Variants in CSTF3 observed in about 807,000 individuals in gnomAD.
CSTF3 encodes cleavage stimulation factor subunit 3, also known as CF-1 77 kDa subunit.
In CSTF3, 29 loss-of-function variants were observed where a neutral mutation model predicts 105.8. The ratio of observed to expected loss-of-function variants is 0.27; its 90% CI spans 0.20 to 0.37. The LOEUF (loss-of-function observed/expected upper bound fraction) is 0.37, where lower values mean the gene tolerates loss of function less well. Among genes scored for constraint, CSTF3 ranks in the 10% least tolerant of loss-of-function variants. The pLI is 1.00. For missense variants in CSTF3, 357 were observed against 879.3 expected (o/e 0.41, Z 7.51); for synonymous variants, 252 against 281.9 (o/e 0.89, Z 1.06).
At chr11:33,161,164 C>T (rs1489542328) in intron 1 of CSTF3, 135 bp downstream of exon 1, 1 of 832,608 alleles carries the variant, frequency 1.2e-6, no homozygotes, top group Non-Finnish European at 1.9e-6. Flanking sequence ...TCCCCATTCC[C>T]ACCACTCTTC....
At chr11:33,096,219 A>G (rs935630473) in intron 15 of CSTF3, 87 bp downstream of exon 15, 6 of 914,868 alleles carry the variant, frequency 6.6e-6, no homozygotes, top group Middle Eastern at 6.0e-4. Flanking sequence ...TCAAAATTAT[A>G]ATACATTCAA....
chr11:33,091,636 G>A (rs1855170008), intron 16 of CSTF3, among the ~76,000 whole-genome samples: 1 of 152,212 alleles, frequency 6.6e-6, no homozygotes, highest in African/African-American at 2.4e-5. Flanking sequence ...TTGCTTTTGA[G>A]TAAGGGAGGT....
At chr11:33,134,176 G>GT (rs1787797395) in intron 3 of CSTF3, among the ~76,000 whole-genome samples, 2 of 152,120 alleles carry the variant, frequency 1.3e-5, no homozygotes, top group South Asian at 4.1e-4. Flanking sequence ...CAACTTTTTT[G>GT]TAAGTTCAAA....
At chr11:33,118,831 A>T (rs544199375) in intron 3 of CSTF3, among the ~76,000 whole-genome samples, 29 of 151,548 alleles carry the variant, frequency 1.9e-4, no homozygotes, top group Non-Finnish European at 3.5e-4. Flanking sequence ...TGCTTCCCTC[A>T]AACGTCTAAT....
intron 5 of CSTF3, among the ~76,000 whole-genome samples, chr11:33,106,976 A>G (rs1435045647): frequency 6.6e-6 from 1 of 152,108 alleles, no homozygotes; most frequent in African/African-American, 2.4e-5. Context: ...ACTTCAATAT[A>G]AGACAATAAA....
At chr11:33,108,708 C>T (rs780543490) in intron 3 of CSTF3, among the ~76,000 whole-genome samples, 10 of 152,064 alleles carry the variant, frequency 6.6e-5, no homozygotes, top group Admixed American at 3.9e-4. Context: ...TACACATACC[C>T]GATAGGTCTA....
chr11:33,136,925 T>C (rs1191088581), intron 3 of CSTF3, among the ~76,000 whole-genome samples: 1 of 151,884 alleles, frequency 6.6e-6, no homozygotes, highest in African/African-American at 2.4e-5. Context: ...CTAGGAAATT[T>C]AGGTAAAACA....
chr11:33,146,238 G>A (rs7932999), intron 1 of CSTF3, among the ~76,000 whole-genome samples: 84,436 of 151,368 alleles, frequency 0.56, 26,099 homozygotes, highest in Non-Finnish European at 0.69. Flanking sequence ...GCAAGACTCC[G>A]TCTCAAAAAA....
intron 3 of CSTF3, among the ~76,000 whole-genome samples, chr11:33,133,631 G>A (rs1452005372): frequency 6.6e-6 from 1 of 152,246 alleles, no homozygotes; most frequent in Non-Finnish European, 1.5e-5. Context: ...GAAGGCTTGA[G>A]GTCAGGAATT....
At chr11:33,138,817 T>C (rs1014076627) in intron 3 of CSTF3, among the ~76,000 whole-genome samples, 1 of 151,850 alleles carries the variant, frequency 6.6e-6, no homozygotes, top group Non-Finnish European at 1.5e-5. Flanking sequence ...TGTTATCTCC[T>C]ATGTATTATA....
chr11:33,112,511 A>T (rs1379668972), intron 3 of CSTF3, among the ~76,000 whole-genome samples: 4 of 152,178 alleles, frequency 2.6e-5, no homozygotes, highest in Non-Finnish European at 5.9e-5. Context: ...ATAACTTTTC[A>T]TTATATCTTC....
chr11:33,106,891 A>G (rs533467776), intron 5 of CSTF3, among the ~76,000 whole-genome samples: 1 of 152,354 alleles, frequency 6.6e-6, no homozygotes, highest in East Asian at 1.9e-4. Context: ...AAATGTAGAA[A>G]TCTGGAAAGT....
In CSTF3 at chr11:33,084,790, A is replaced by G; in HGVS notation, c.*297T>C. 1 of 361,556 alleles carries G rather than the reference A, an allele frequency of 2.8e-6. No homozygotes were observed. The highest frequency in any genetic ancestry group is 5.1e-6 in the Non-Finnish European group (1 of 196,622). The allele number at this position is 361,556 out of a possible 1,614,324, so 22.4% of individuals were successfully genotyped here. On this transcript the variant is annotated 3_prime_UTR_variant, in exon 21 of 21. Transcript: ENST00000323959. ...AAAATAAAACTGTTGAAAAACTCACAAATCTTCAAGCGGCACATACAAGAC... is the reference window on the plus strand; with the variant it reads ...AAAATAAAACTGTTGAAAAACTCACGAATCTTCAAGCGGCACATACAAGAC...
rs914296524 is a variant in CSTF3 at position 33,159,784 on chromosome 11, G to C, written c.27+1515C>G. Among the ~76,000 whole-genome samples the C allele has an allele frequency of 2.6e-5, 4 of 152,050 alleles. 1 individual carries two copies. The highest frequency in any genetic ancestry group is 9.6e-5 in the African/African-American group (4 of 41,456). On this transcript the variant is annotated intron_variant, in intron 1 of 20. Transcript: ENST00000323959. ...ACTCTGTTCTCAATCTATCAGCATG[G>C]GGAGATAAAGCAAATATGGCAAGGC...
chr11:33,120,105 A>G (rs958273788), intron 3 of CSTF3, among the ~76,000 whole-genome samples: 1 of 151,856 alleles, frequency 6.6e-6, no homozygotes, highest in Non-Finnish European at 1.5e-5. Flanking sequence ...ATGTAAAAAT[A>G]TTGAAATAAA....
intron 3 of CSTF3, among the ~76,000 whole-genome samples, chr11:33,137,701 TCA>T (rs1403830382): frequency 6.6e-6 from 1 of 151,724 alleles, no homozygotes; most frequent in Non-Finnish European, 1.5e-5. Context: ...ATCTGAATAA[TCA>T]CACAGACATG....
chr11:33,158,031 T>C (rs1256335469), intron 1 of CSTF3, among the ~76,000 whole-genome samples: 1 of 152,194 alleles, frequency 6.6e-6, no homozygotes, highest in African/African-American at 2.4e-5. Context: ...ATGGTTATTT[T>C]AGTTGAAGCT....
intron 17 of CSTF3, among the ~76,000 whole-genome samples, chr11:33,087,896 A>G (rs140542682): frequency 1.8e-4 from 27 of 152,342 alleles, no homozygotes; most frequent in African/African-American, 6.0e-4. Context: ...GAGACAAGAT[A>G]TGCCAAAGGA....
chr11:33,095,480 T>C (rs1855210424), intron 15 of CSTF3, among the ~76,000 whole-genome samples: 1 of 152,196 alleles, frequency 6.6e-6, no homozygotes, highest in African/African-American at 2.4e-5. Flanking sequence ...TGGTAGGAAC[T>C]CAATAAAGGA....
Sources: allele counts gnomAD v4.1 joint callset (sites outside exome capture counted in the v4.1 genomes callset), GRCh38; gene constraint gnomAD v4.1.1; transcripts MANE v1.5; gene names NCBI Gene and HGNC (gene_info 2026-07-23, HGNC 2026-07-21).